Variants in STAU2 observed in about 807,000 individuals in gnomAD.
STAU2 encodes staufen double-stranded RNA binding protein 2.
Under a neutral mutation model 65.9 loss-of-function variants are expected in STAU2, and 20 were observed. The ratio of observed to expected loss-of-function variants is 0.30; its 90% confidence interval spans 0.21 to 0.44. The LOEUF (loss-of-function observed/expected upper bound fraction) is 0.44. Ranked by LOEUF, STAU2 falls within the 20% of genes least tolerant of loss-of-function variation. The pLI is 1.00. For synonymous variants in STAU2, 232 were observed against 233.9 expected, an observed-to-expected ratio of 0.99 and a Z score of 0.07; for missense variants, 558 against 683.9, an observed-to-expected ratio of 0.82 and a Z score of 2.05.
At chr8:73,574,691 G>C (rs1809382127) in intron 12 of STAU2, among the ~76,000 whole-genome samples, 1 of 152,148 alleles carries the variant, frequency 6.6e-6, no homozygotes, top group African/African-American at 2.4e-5. Flanking sequence ...CTCACTCATA[G>C]GTGGGAACTG....
intron 6 of STAU2, among the ~76,000 whole-genome samples, chr8:73,621,225 C>T (rs1299650103): frequency 1.3e-5 from 2 of 152,090 alleles, no homozygotes; most frequent in Non-Finnish European, 2.9e-5. Context: ...CGGTTTCCCC[C>T]ATGGTATTCT....
chr8:73,445,094 C>G (rs765640494), intron 13 of STAU2, among the ~76,000 whole-genome samples: 1 of 152,198 alleles, frequency 6.6e-6, no homozygotes. Flanking sequence ...TCGAACCAGA[C>G]GTCCTTATCA....
chr8:73,706,410 C>T (rs552867300), intron 4 of STAU2, among the ~76,000 whole-genome samples: 1 of 151,760 alleles, frequency 6.6e-6, no homozygotes, highest in South Asian at 2.1e-4. Flanking sequence ...AGTCACCATG[C>T]CCAGCCCCAA....
intron 13 of STAU2, among the ~76,000 whole-genome samples, chr8:73,514,305 ACAGT>A (rs1405431379): frequency 6.6e-6 from 1 of 152,182 alleles, no homozygotes; most frequent in African/African-American, 2.4e-5. Context: ...CCTCCTCATC[ACAGT>A]CAGTTCTGCA....
At chr8:73,576,177 GAAATGTTCAA>G (rs1254870693) in intron 12 of STAU2, among the ~76,000 whole-genome samples, 1 of 151,976 alleles carries the variant, frequency 6.6e-6, no homozygotes, top group Non-Finnish European at 1.5e-5. Flanking sequence ...TGCACCCATA[GAAATGTTCAA>G]AAATGTTCAT....
At chr8:73,531,616 A>G (rs1454688607) in intron 13 of STAU2, among the ~76,000 whole-genome samples, 1 of 152,248 alleles carries the variant, frequency 6.6e-6, no homozygotes, top group African/African-American at 2.4e-5. Context: ...AAATAAAAAT[A>G]TCAGTGTTCA....
chr8:73,565,715 A>ATTAAACT (rs1479016109), intron 12 of STAU2, among the ~76,000 whole-genome samples: 8 of 152,224 alleles, frequency 5.3e-5, no homozygotes, highest in Non-Finnish European at 1.0e-4. Flanking sequence ...TCTTGTTTTT[A>ATTAAACT]TTAAACTTTC....
chr8:73,646,297 T>C lies in STAU2; in HGVS notation c.410+26810A>G, dbSNP rs551938593. Reference sequence around the variant, plus strand: ...CAGAGTATTCAATTTTGAAAAAGAATAAAGCATAAGAAACCACTCTATATT... The same window carrying C: ...CAGAGTATTCAATTTTGAAAAAGAACAAAGCATAAGAAACCACTCTATATT... On this transcript the variant is annotated intron_variant, in intron 6 of 14. Coordinates refer to ENST00000524300, the MANE Select transcript of STAU2 (RefSeq NM_001164380.2). Among the ~76,000 whole-genome samples, 133 of 152,276 alleles carry C rather than the reference T, an allele frequency of 8.7e-4. 1 individual carries two copies. The highest frequency in any genetic ancestry group is 3.2e-3 in the African/African-American group (131 of 41,564).
At chr8:73,439,145 C>T in intron 13 of STAU2, 2 of 423,654 alleles carry the variant, frequency 4.7e-6, no homozygotes, top group South Asian at 3.5e-5. Context: ...GAGAAAATCA[C>T]TAAGTGTAGC....
At chr8:73,599,959 G>A (rs59962461) in intron 10 of STAU2, among the ~76,000 whole-genome samples, 8,500 of 152,032 alleles carry the variant, frequency 0.056, 275 homozygotes, top group Middle Eastern at 0.13. Flanking sequence ...TAGTAGAGAC[G>A]GGGTTTCACT....
At chr8:73,467,126 G>A (rs1043400787) in intron 13 of STAU2, among the ~76,000 whole-genome samples, 1 of 152,212 alleles carries the variant, frequency 6.6e-6, no homozygotes, top group African/African-American at 2.4e-5. Flanking sequence ...GTCTATCTCT[G>A]CCACTGGACT....
intron 6 of STAU2, among the ~76,000 whole-genome samples, chr8:73,631,192 A>C (rs1345116752): frequency 1.3e-5 from 2 of 152,140 alleles, no homozygotes; most frequent in Non-Finnish European, 2.9e-5. Flanking sequence ...TGTCTCTACA[A>C]AAAACATAAA....
At chr8:73,438,609 T>C (rs1158677192) in intron 13 of STAU2, among the ~76,000 whole-genome samples, 2 of 151,862 alleles carry the variant, frequency 1.3e-5, no homozygotes, top group Non-Finnish European at 2.9e-5. Flanking sequence ...GCCCAGGGAG[T>C]GGAAGCTGCA....
chr8:73,571,932 C>T (rs200615814), intron 12 of STAU2, among the ~76,000 whole-genome samples: 1 of 152,010 alleles, frequency 6.6e-6, no homozygotes. Flanking sequence ...ACACAAAAAA[C>T]CCTTCAAAAA....
At chr8:73,478,434 C>T (rs538831322) in intron 13 of STAU2, among the ~76,000 whole-genome samples, 2 of 151,774 alleles carry the variant, frequency 1.3e-5, no homozygotes, top group East Asian at 3.9e-4. Flanking sequence ...GCAGGTTGGA[C>T]AAGTCTGATC....
intron 6 of STAU2, among the ~76,000 whole-genome samples, chr8:73,655,639 CTTTTTTTTTTTTTTTT>C (rs71269930): frequency 2.9e-5 from 3 of 104,776 alleles, no homozygotes; most frequent in African/African-American, 1.2e-4. Context: ...TTTAATACAT[CTTTTTTTTTTTTTTTT>C]TTTTTTTTTT....
At chr8:73,601,871 G>A (rs957829325) in intron 10 of STAU2, among the ~76,000 whole-genome samples, 12 of 152,098 alleles carry the variant, frequency 7.9e-5, no homozygotes, top group Admixed American at 2.0e-4. Context: ...AAATTCAGGC[G>A]ATTTTTTTCT....
chr8:73,533,561 A>T (rs1392281584), intron 13 of STAU2, among the ~76,000 whole-genome samples: 2 of 152,164 alleles, frequency 1.3e-5, no homozygotes, highest in Non-Finnish European at 2.9e-5. Context: ...CTGAAGGGAA[A>T]ATCAGGAAGT....
chr8:73,716,841 C>T (rs541346740), intron 3 of STAU2, among the ~76,000 whole-genome samples: 7 of 152,216 alleles, frequency 4.6e-5, no homozygotes, highest in South Asian at 2.1e-4. Context: ...CGGTGGCTCA[C>T]GCCTGTAATC....
Sources: gnomAD v4.1 joint callset for allele counts (sites outside exome capture counted in the v4.1 genomes callset) on GRCh38, gnomAD v4.1.1 for gene constraint, MANE v1.5 for transcripts, NCBI Gene and HGNC (gene_info 2026-07-23, HGNC 2026-07-21) for gene names.